PER3: variants seen among roughly 807,000 people sequenced by gnomAD.
PER3 encodes the protein period circadian protein homolog 3.
In PER3, 107 loss-of-function variants were observed where a neutral mutation model predicts 127.2. That is an observed-to-expected ratio of 0.84 (90% CI 0.72 to 0.99). The LOEUF is 0.99. Ranked by LOEUF, PER3 falls within the 50% of genes least tolerant of loss-of-function variation. PER3 has a pLI of 0.00. For missense variants in PER3, 1,560 were observed against 1,525.8 expected (o/e 1.02, Z -0.37); for synonymous variants, 618 against 585.8 (o/e 1.05, Z -0.79).
rs1577897675 is a variant in PER3 at position 7,826,286 on chromosome 1, T to G, written c.1958-194T>G. Among the ~76,000 whole-genome samples, 1 of 152,116 alleles carries G rather than the reference T, an allele frequency of 6.6e-6. No individual in the cohort carries two copies. The highest frequency in any genetic ancestry group is 1.5e-5 in the Non-Finnish European group (1 of 68,028). ...CATATTGATTATCACAACTGTAAAA[T>G]GTATGTGCATTTGTGCAAAGAATAT... On this transcript the variant is annotated intron_variant, in intron 16 of 21. Coordinates refer to ENST00000377532, the MANE Select transcript of PER3 (RefSeq NM_001377275.1). The surrounding 1 kb of genome is among the most constrained non-coding windows in gnomAD (Gnocchi z 4.2).
Position 7,784,365 on chromosome 1 carries a change from C to G in PER3, c.-236C>G, listed in dbSNP as rs1354571635. 6.6e-6 allele frequency: 1 copy of G among 151,468 alleles called. No homozygotes were observed. Among genetic ancestry groups the G allele is most frequent in the Non-Finnish European group, 1.5e-5 (1 of 67,882 alleles). 9.4% of individuals were successfully genotyped at this position (151,468 alleles called of 1,614,324 possible). ...GAGCGGCTGTGCGCGGGGCCAAGGG[C>G]GGGGGCAGCAGGTGAGTGCGCGGCC... On this transcript the variant is annotated 5_prime_UTR_variant, in exon 1 of 22. Transcript: ENST00000377532.
chr1:7,794,416 C>G (rs1271192274), intron 6 of PER3, among the ~76,000 whole-genome samples: 1 of 152,100 alleles, frequency 6.6e-6, no homozygotes, highest in Admixed American at 6.6e-5. Flanking sequence ...TAGCTTGAAC[C>G]TGGGAGGTGG....
rs752009005 is a variant in PER3, at chr1:7,798,519, C to A, written c.645-6C>A. On this transcript the variant is annotated splice_region_variant and splice_polypyrimidine_tract_variant and intron_variant, in intron 6 of 21. Transcript: ENST00000377532. ...GGACCAGCACTAATATCTTTAATCTCCTCAGTGGAGGTGAAGACAGAAAGC... is the reference window on the plus strand; with the variant it reads ...GGACCAGCACTAATATCTTTAATCTACTCAGTGGAGGTGAAGACAGAAAGC... 2.5e-6 allele frequency: 4 copies of A among 1,612,490 alleles called. No individual in the cohort carries two copies. The African/African-American group carries it at 5.3e-5, about 22-fold the overall frequency.
At position 7,843,827 on chromosome 1, in the gene PER3, G is replaced by C. The variant is rs2097401367; in HGVS notation, c.*1072G>C. ...TCAGTCACCGCTTTCTATGGCGTTT[G>C]TAGTTGTGTCTTTTAAGAAGTGAGT... On this transcript the variant is annotated 3_prime_UTR_variant, in exon 22 of 22. Coordinates refer to ENST00000377532, the MANE Select transcript of PER3 (RefSeq NM_001377275.1). 1.1e-6 allele frequency: 1 copy of C among 943,226 alleles called. No homozygotes were observed. Among genetic ancestry groups the C allele is most frequent in the Non-Finnish European group, 1.4e-6 (1 of 721,740 alleles). The allele number at this position is 943,226 out of a possible 1,614,324, so 58.4% of individuals were successfully genotyped here.
At chr1:7,787,745 C>T in intron 4 of PER3, 1 of 401,736 alleles carries the variant, frequency 2.5e-6, no homozygotes, top group South Asian at 2.3e-5. Flanking sequence ...ACCGTCCACC[C>T]AGGTGTATGG....
At chr1:7,812,671 T>C in intron 13 of PER3, among the ~76,000 whole-genome samples, 1 of 148,832 alleles carries the variant, frequency 6.7e-6, no homozygotes, top group Admixed American at 6.7e-5. Context: ...GGTAACTCCG[T>C]GTGCTTATGC....
At chr1:7,798,750 A>C (rs1459706436) in intron 7 of PER3, 77 bp downstream of exon 7, 1 of 1,253,722 alleles carries the variant, frequency 8.0e-7, no homozygotes. Flanking sequence ...TCAGTCATAG[A>C]ACAACAAAAA....
chr1:7,831,371 T>TTATGTA (rs1468012104), intron 19 of PER3, among the ~76,000 whole-genome samples: 2 of 152,248 alleles, frequency 1.3e-5, no homozygotes, highest in African/African-American at 4.8e-5. Flanking sequence ...CTGCAGGACT[T>TTATGTA]TTCTACATAG....
intron 5 of PER3, among the ~76,000 whole-genome samples, chr1:7,789,140 A>AATATAT (rs59535110): frequency 0.039 from 5,245 of 133,158 alleles, 296 homozygotes; most frequent in African/African-American, 0.13. Context: ...AGAGCTTTAA[A>AATATAT]ATATATATAT....
chr1:7,810,050 C>T (rs1258383987), intron 12 of PER3, 29 bp downstream of exon 12: 6 of 1,599,226 alleles, frequency 3.8e-6, no homozygotes, highest in Middle Eastern at 1.7e-4. Context: ...CATTCTTATA[C>T]AGGCATCGTG....
intron 4 of PER3, chr1:7,787,174 AATTTCT>A (rs1427079159): frequency 9.2e-6 from 5 of 541,074 alleles, no homozygotes; most frequent in Non-Finnish European, 1.2e-5. Flanking sequence ...CCGAATTGTT[AATTTCT>A]ATTTATATCA....
chr1:7,802,408 A>C (rs1052791532), intron 8 of PER3, among the ~76,000 whole-genome samples: 1 of 152,104 alleles, frequency 6.6e-6, no homozygotes, highest in South Asian at 2.1e-4. Context: ...GATTACAGGC[A>C]CACACCACCA....
intron 5 of PER3, among the ~76,000 whole-genome samples, chr1:7,793,630 T>C (rs2097131680): frequency 6.6e-6 from 1 of 152,158 alleles, no homozygotes; most frequent in Non-Finnish European, 1.5e-5. Context: ...ACCACCAGAA[T>C]AATTGTGTCC....
At chr1:7,799,501 G>T (rs1444942721) in intron 7 of PER3, among the ~76,000 whole-genome samples, 1 of 151,838 alleles carries the variant, frequency 6.6e-6, no homozygotes, top group Non-Finnish European at 1.5e-5. Context: ...CTACTCAGGA[G>T]GCTGAGGCAG....
Position 7,788,035 on chromosome 1 carries a change from T to C in PER3, c.391-10T>C. The C allele has an allele frequency of 6.3e-7, 1 of 1,593,196 alleles. No individual in the cohort carries two copies. On this transcript the variant is annotated splice_polypyrimidine_tract_variant and intron_variant, in intron 4 of 21. Coordinates refer to ENST00000377532, the MANE Select transcript of PER3 (RefSeq NM_001377275.1). ...TCAATATTTGCATTTATTTTAAATG[T>C]TTTTCATAGGATACCTTTGTGGCAG...
intron 19 of PER3, among the ~76,000 whole-genome samples, chr1:7,833,776 A>G (rs1439184062): frequency 6.6e-6 from 1 of 152,110 alleles, no homozygotes; most frequent in African/African-American, 2.4e-5. Context: ...TAAATCTTTC[A>G]TCTTGCTACT....
At chr1:7,789,877 C>G (rs1162893724) in intron 5 of PER3, among the ~76,000 whole-genome samples, 1 of 152,160 alleles carries the variant, frequency 6.6e-6, no homozygotes, top group Admixed American at 6.5e-5. Context: ...TCTCTTTTCC[C>G]ATCTTTCAAA....
intron 13 of PER3, among the ~76,000 whole-genome samples, chr1:7,816,693 G>A (rs1034121415): frequency 6.6e-6 from 1 of 152,204 alleles, no homozygotes; most frequent in African/African-American, 2.4e-5. Context: ...CAAGGACACA[G>A]AGTGACCAGA....
chr1:7,832,780 T>C (rs998282696), intron 19 of PER3, among the ~76,000 whole-genome samples: 16 of 151,888 alleles, frequency 1.1e-4, no homozygotes, highest in African/African-American at 1.9e-4. Context: ...TTGAGATTTT[T>C]CCCCCCCAAT....
Sources: gnomAD v4.1 joint callset for allele counts (sites outside exome capture counted in the v4.1 genomes callset) on GRCh38, gnomAD v4.1.1 for gene constraint, Gnocchi (gnomAD v3.1) non-coding constraint, MANE v1.5 for transcripts, NCBI Gene and HGNC (gene_info 2026-07-23, HGNC 2026-07-21) for gene names.